The following POR variants were observed in gnomAD, a reference collection of about 807,000 sequenced individuals.
The protein encoded by POR is cytochrome p450 oxidoreductase.
In POR, 56 loss-of-function variants were observed where a neutral mutation model predicts 84.0. The ratio of observed to expected loss-of-function variants is 0.67; its 90% CI spans 0.54 to 0.83. The LOEUF is 0.83. POR is among the 40% of genes least tolerant of loss of function. POR has a pLI of 0.00. For synonymous variants in POR, 414 were observed against 400.5 expected (o/e 1.03, Z -0.40); for missense variants, 938 against 944.3 (o/e 0.99, Z 0.09).
At position 75,968,165 on chromosome 7, in the gene POR, C is replaced by T. The variant is rs184089389; in HGVS notation, c.189-4248C>T. On this transcript the variant is annotated intron_variant, in intron 2 of 15. Transcript: ENST00000461988. ...ACACTGTCCCTGGCGGCAGACTGCC[C>T]TCATGCCCCTTGGCCAGGGGACGCC... The T allele has an allele frequency of 1.9e-3, 872 of 459,982 alleles. 3 individuals are homozygous for T. The highest frequency in any genetic ancestry group is 2.7e-3 in the Non-Finnish European group (619 of 226,970). 28.5% of individuals were successfully genotyped at this position (459,982 alleles called of 1,614,324 possible). A position where few individuals can be genotyped will look rare whatever the true frequency, so the allele number is the denominator to read the frequency against.
At chr7:75,985,484 T>A in intron 12 of POR, 95 bp from the exon 13 acceptor site, 1 of 1,396,270 alleles carries the variant, frequency 7.2e-7, no homozygotes, top group Non-Finnish European at 9.5e-7. Flanking sequence ...GAAGAGGCCC[T>A]GGGTGAGTGG....
intron 2 of POR, among the ~76,000 whole-genome samples, chr7:75,957,410 G>A (rs1787734869): frequency 6.6e-6 from 1 of 152,176 alleles, no homozygotes; most frequent in African/African-American, 2.4e-5. Context: ...TGATAAAAAA[G>A]CGTAGTAGTA....
chr7:75,963,613 C>T (rs1299255406), intron 2 of POR, among the ~76,000 whole-genome samples: 1 of 152,190 alleles, frequency 6.6e-6, no homozygotes, highest in African/African-American at 2.4e-5. Flanking sequence ...GACATGTGCT[C>T]TACTGGCCTG....
At chr7:75,954,889 G>C (rs1328734974) in intron 2 of POR, among the ~76,000 whole-genome samples, 1 of 151,954 alleles carries the variant, frequency 6.6e-6, no homozygotes, top group African/African-American at 2.4e-5. Context: ...TGTATTTTTA[G>C]TAGAGACAGG....
At chr7:75,979,032 G>A (rs1788845862) in intron 3 of POR, among the ~76,000 whole-genome samples, 1 of 151,270 alleles carries the variant, frequency 6.6e-6, no homozygotes, top group Non-Finnish European at 1.5e-5. Context: ...CCTGACCTCA[G>A]GTAATCTGCC....
rs184275273 is a variant in POR, at chr7:75,986,660, G to A, written c.*179G>A. On this transcript the variant is annotated 3_prime_UTR_variant, in exon 16 of 16. Transcript: ENST00000461988. ...GCCCCCAGGCCAGGTGAGGTCCACC[G>A]GCCCCTGGCAGCACAGCCCAGGGCC... 1.1e-4 allele frequency: 88 copies of A among 770,996 alleles called. No homozygotes were observed. The highest frequency in any genetic ancestry group is 8.4e-4 in the African/African-American group (48 of 57,182). 47.8% of individuals were successfully genotyped at this position (770,996 alleles called of 1,614,324 possible).
intron 2 of POR, among the ~76,000 whole-genome samples, chr7:75,956,607 A>AG (rs1787697335): frequency 6.6e-6 from 1 of 152,044 alleles, no homozygotes; most frequent in Non-Finnish European, 1.5e-5. Flanking sequence ...ACTGCCCCTG[A>AG]GGGATAGGAG....
intron 7 of POR, 125 bp downstream of exon 7, chr7:75,981,731 G>GTCA: frequency 6.3e-6 from 5 of 799,018 alleles, no homozygotes; most frequent in Non-Finnish European, 9.8e-6. Context: ...ATAGGGTCGA[G>GTCA]GAGGGACCTT....
At chr7:75,943,125 G>A (rs556156556) in intron 1 of POR, among the ~76,000 whole-genome samples, 1 of 151,854 alleles carries the variant, frequency 6.6e-6, no homozygotes, top group South Asian at 2.1e-4. Flanking sequence ...CTAATTTTTT[G>A]TATTTTTAGT....
chr7:75,982,182 C>A (rs1288448911), intron 7 of POR, 42 bp from the exon 8 acceptor site: 3 of 1,517,176 alleles, frequency 2.0e-6, no homozygotes, highest in Non-Finnish European at 2.7e-6. Context: ...CGGGACTGAC[C>A]CCTGCCGCTT....
rs534018201 is a variant in POR, at chr7:75,935,497, C to T, written c.-4-18492C>T. ...CTGACCTCAGGTGATCTGCCCCCGT[C>T]GGCCTCCCAAAGTGCTGGGATTATA... On this transcript the variant is annotated intron_variant, in intron 1 of 15. Coordinates refer to ENST00000461988, the MANE Select transcript of POR (RefSeq NM_000941.3). Among the ~76,000 whole-genome samples, 21 of 152,044 alleles carry T rather than the reference C, an allele frequency of 1.4e-4. No homozygotes were observed. In the East Asian group the frequency reaches 3.3e-3, roughly 24 times the overall value.
chr7:75,977,503 C>T (rs1337707227), intron 3 of POR, among the ~76,000 whole-genome samples: 20 of 152,158 alleles, frequency 1.3e-4, no homozygotes, highest in African/African-American at 4.3e-4. Context: ...TGGCTGGGTG[C>T]GGTGGCTCAC....
chr7:75,938,898 C>T (rs977517485), intron 1 of POR, among the ~76,000 whole-genome samples: 6 of 152,330 alleles, frequency 3.9e-5, no homozygotes, highest in South Asian at 4.1e-4. Flanking sequence ...TCGGTAGCTT[C>T]GCTCATCCCC....
intron 1 of POR, chr7:75,922,945 G>A: frequency 1.5e-6 from 1 of 675,750 alleles, no homozygotes; most frequent in Non-Finnish European, 2.6e-6. Flanking sequence ...GCAGAAACAT[G>A]ACAAGGTGTG....
chr7:75,983,020 T>C (rs782173010), intron 8 of POR, among the ~76,000 whole-genome samples: 6 of 152,146 alleles, frequency 3.9e-5, no homozygotes, highest in Non-Finnish European at 7.3e-5. Flanking sequence ...ATGACCCAGC[T>C]CTGCCCATGT....
intron 5 of POR, 162 bp from the exon 6 acceptor site, chr7:75,980,886 G>A (rs1788979365): frequency 9.3e-7 from 1 of 1,076,874 alleles, no homozygotes; most frequent in Non-Finnish European, 1.3e-6. Flanking sequence ...CCTCTTCAGT[G>A]GCCCAGTGTT....
At chr7:75,938,306 T>G (rs908153130) in intron 1 of POR, among the ~76,000 whole-genome samples, 1 of 152,182 alleles carries the variant, frequency 6.6e-6, no homozygotes, top group African/African-American at 2.4e-5. Flanking sequence ...TGCATTGATA[T>G]TAGGGGTGCA....
chr7:75,938,402 CA>C (rs1807803026), intron 1 of POR, among the ~76,000 whole-genome samples: 2 of 152,166 alleles, frequency 1.3e-5, no homozygotes, highest in Admixed American at 6.5e-5. Context: ...TCCCCAGGGC[CA>C]AACACCTTAG....
chr7:75,960,055 G>A (rs1023947909), intron 2 of POR, among the ~76,000 whole-genome samples: 3 of 152,054 alleles, frequency 2.0e-5, no homozygotes, highest in South Asian at 2.1e-4. Context: ...TCAGGAGGCC[G>A]AGGCAGGTGG....
Sources: gnomAD v4.1 joint callset for allele counts (sites outside exome capture counted in the v4.1 genomes callset) on GRCh38, gnomAD v4.1.1 for gene constraint, MANE v1.5 for transcripts, NCBI Gene and HGNC (gene_info 2026-07-23, HGNC 2026-07-21) for gene names.